COX11: variants seen among roughly 807,000 people sequenced by gnomAD.
COX11 encodes cytochrome c oxidase copper chaperone COX11.
A neutral mutation model predicts 29.4 loss-of-function variants in COX11; 18 were observed. The observed-to-expected ratio is 0.61, with a 90% CI of 0.42 to 0.91. The LOEUF is 0.91. Among genes scored for constraint, COX11 ranks in the 40% least tolerant of loss-of-function variants. The pLI, the probability that COX11 is intolerant of heterozygous loss-of-function variation, is 0.00. For synonymous variants in COX11, 131 were observed against 124.0 expected, an observed-to-expected ratio of 1.06 and a Z score of -0.38; for missense variants, 312 against 346.0, an observed-to-expected ratio of 0.90 and a Z score of 0.78.
At chr17:54,958,850 G>C (rs1449603977), downstream of COX11, among the ~76,000 whole-genome samples, 1 of 150,808 alleles carries the variant, frequency 6.6e-6, no homozygotes, top group African/African-American at 2.4e-5. Flanking sequence ...AGATGCTGGA[G>C]AATCTGTGAA....
chr17:54,966,290 C>T lies in COX11; in HGVS notation c.367-1438G>A, dbSNP rs186672475. Among the ~76,000 whole-genome samples the T allele has an allele frequency of 1.1e-3, 163 of 152,306 alleles. 4 individuals are homozygous for T. The highest frequency in any genetic ancestry group is 0.011 in the Admixed American group (163 of 15,298). On this transcript the variant is annotated intron_variant, in intron 1 of 3. Transcript: ENST00000299335. ...TAAAATAGACAAAAAGACTAGAAAACAGCACTAAAAAGATGTCCTGGTCTC... is the reference window on the plus strand; with the variant it reads ...TAAAATAGACAAAAAGACTAGAAAATAGCACTAAAAAGATGTCCTGGTCTC...
downstream of COX11, among the ~76,000 whole-genome samples, chr17:54,960,294 G>A (rs760264979): frequency 6.6e-6 from 1 of 152,164 alleles, no homozygotes; most frequent in South Asian, 2.1e-4. Flanking sequence ...GAACCTGGGA[G>A]GCAGAGGTTG....
intron 1 of COX11, 148 bp downstream of exon 1, chr17:54,968,133 T>A: frequency 7.9e-7 from 1 of 1,269,776 alleles, no homozygotes; most frequent in East Asian, 2.5e-5. Flanking sequence ...GGGTGTTAAG[T>A]GACTGTTTTG....
rs1157843492 is a variant in COX11, at chr17:54,962,178, C to T, written c.*555G>A. The T allele has an allele frequency of 3.1e-6, 3 of 969,314 alleles. No homozygotes were observed. The highest frequency in any genetic ancestry group is 3.7e-6 in the Non-Finnish European group (3 of 815,330). 60.0% of individuals were successfully genotyped at this position (969,314 alleles called of 1,614,324 possible). A position where few individuals can be genotyped will look rare whatever the true frequency, so the allele number is the denominator to read the frequency against. ...TAAAATAGCCCTAAACCTTAAAGGA[C>T]AAATCAAATTTGAAATAAGAATTTA... On this transcript the variant is annotated 3_prime_UTR_variant, in exon 4 of 4. Transcript: ENST00000299335.
At chr17:54,958,243 G>C (rs920700831), downstream of COX11, 2 of 152,228 alleles carry the variant, frequency 1.3e-5, no homozygotes, top group African/African-American at 4.8e-5. Flanking sequence ...AACAGTGCCA[G>C]GGGCAGACAA....
intron 2 of COX11, 117 bp from the exon 3 acceptor site, chr17:54,963,548 G>A: frequency 3.1e-6 from 3 of 963,048 alleles, no homozygotes; most frequent in Admixed American, 3.2e-5. Flanking sequence ...CTAATCTAAT[G>A]TAGGGTTCAG....
At chr17:54,967,294 A>C (rs780406306) in intron 1 of COX11, among the ~76,000 whole-genome samples, 1 of 152,136 alleles carries the variant, frequency 6.6e-6, no homozygotes, top group Non-Finnish European at 1.5e-5. Context: ...CCACTATCTT[A>C]AACACTTACT....
chr17:54,954,121 G>T (rs988445126), exon 1 of COX11: 2 of 152,128 alleles, frequency 1.3e-5, no homozygotes, highest in Admixed American at 6.5e-5. Context: ...ACACCTCAAC[G>T]GGCCAGGTCA....
chr17:54,965,276 C>A (rs1221010747), intron 1 of COX11, among the ~76,000 whole-genome samples: 1 of 152,170 alleles, frequency 6.6e-6, no homozygotes, highest in Non-Finnish European at 1.5e-5. Context: ...TCAATTTTTC[C>A]ATATTCCTGT....
At chr17:54,965,494 G>A (rs1051140962) in intron 1 of COX11, among the ~76,000 whole-genome samples, 2 of 152,110 alleles carry the variant, frequency 1.3e-5, no homozygotes, top group East Asian at 3.9e-4. Flanking sequence ...AATAATCATA[G>A]GGCATCAAGA....
intron 1 of COX11, among the ~76,000 whole-genome samples, chr17:54,967,128 C>T (rs1356039002): frequency 6.6e-6 from 1 of 151,948 alleles, no homozygotes; most frequent in African/African-American, 2.4e-5. Flanking sequence ...AAAACAATTC[C>T]CAAACTTTCC....
Position 54,961,848 on chromosome 17 carries a change from CT to C in COX11, c.*884del. On this transcript the variant is annotated 3_prime_UTR_variant, in exon 4 of 4. Coordinates refer to ENST00000299335, the MANE Select transcript of COX11 (RefSeq NM_004375.5). ...ATGATTCTTTGTAATGCTAAATAGCCTTTTTTTCTCTTTTTACTGCAACTTA... is the reference window on the plus strand; with the variant it reads ...ATGATTCTTTGTAATGCTAAATAGCCTTTTTTCTCTTTTTACTGCAACTTA... 1.0e-6 allele frequency: 1 copy of C among 966,336 alleles called. No individual in the cohort carries two copies. Among genetic ancestry groups the C allele is most frequent in the Non-Finnish European group, 1.2e-6 (1 of 812,562 alleles). 59.9% of individuals were successfully genotyped at this position (966,336 alleles called of 1,614,324 possible). A position where few individuals can be genotyped will look rare whatever the true frequency, so the allele number is the denominator to read the frequency against.
rs771502812 is a variant in COX11, at chr17:54,960,638, C to T, written c.*2095G>A. ...ATGATGGTGACTGAGGTAAAGACTT[C>T]AACTTATACAACTTAATTCCATATT... On this transcript the variant is annotated 3_prime_UTR_variant, in exon 4 of 4. Coordinates refer to ENST00000299335, the MANE Select transcript of COX11 (RefSeq NM_004375.5). 1 of 1,549,682 alleles carries T rather than the reference C, an allele frequency of 6.5e-7. No individual in the cohort carries two copies. The highest frequency in any genetic ancestry group is 8.9e-7 in the Non-Finnish European group (1 of 1,122,412).
rs1439763753 is a variant in COX11, at chr17:54,960,675, C to T, written c.*2058G>A. 7.3e-7 allele frequency: 1 copy of T among 1,371,836 alleles called. No individual in the cohort carries two copies. The highest frequency in any genetic ancestry group is 2.4e-4 in the Middle Eastern group (1 of 4,238). 85.0% of individuals were successfully genotyped at this position (1,371,836 alleles called of 1,614,324 possible). ...CTTAATTCCATATTCCATATAATTT[C>T]AGTATAATTATCACTTTACATATTT... On this transcript the variant is annotated 3_prime_UTR_variant, in exon 4 of 4. Coordinates refer to ENST00000299335, the MANE Select transcript of COX11 (RefSeq NM_004375.5).
chr17:54,963,482 C>A (rs996107844), intron 2 of COX11, 51 bp from the exon 3 acceptor site: 1 of 1,536,696 alleles, frequency 6.5e-7, no homozygotes, highest in African/African-American at 1.4e-5. Flanking sequence ...CACAAAGTTC[C>A]TCTTTTCCCT....
exon 1 of COX11, chr17:54,953,038 C>CACAGAAA (rs2049315737): frequency 6.6e-6 from 1 of 152,198 alleles, no homozygotes; most frequent in Non-Finnish European, 1.5e-5. Flanking sequence ...GGATAGGGTC[C>CACAGAAA]ACTTTTAGTG....
Position 54,960,738 on chromosome 17 carries a change from CTT to C in COX11, c.*1993_*1994del. The C allele has an allele frequency of 2.6e-6, 2 of 773,390 alleles. No homozygotes were observed. The highest frequency in any genetic ancestry group is 4.4e-6 in the Non-Finnish European group (2 of 453,816). 47.9% of individuals were successfully genotyped at this position (773,390 alleles called of 1,614,324 possible). A position where few individuals can be genotyped will look rare whatever the true frequency, so the allele number is the denominator to read the frequency against. On this transcript the variant is annotated 3_prime_UTR_variant, in exon 4 of 4. Transcript: ENST00000299335. Reference sequence around the variant, plus strand: ...TTCTAAGGGCCATCTGAGTCTGACACTTTGAAATATGAGTTCCCCTGAATCAT... The same window carrying C: ...TTCTAAGGGCCATCTGAGTCTGACACTGAAATATGAGTTCCCCTGAATCAT...
At chr17:54,957,931 TTAA>T (rs1190262996), downstream of COX11, 1 of 152,210 alleles carries the variant, frequency 6.6e-6, no homozygotes, top group African/African-American at 2.4e-5. Flanking sequence ...AAAATTTGTG[TTAA>T]TGTTATGAAA....
intron 1 of COX11, among the ~76,000 whole-genome samples, chr17:54,965,285 G>A (rs781077967): frequency 8.5e-5 from 13 of 152,134 alleles, no homozygotes; most frequent in Admixed American, 8.5e-4. Context: ...CCATATTCCT[G>A]TCTGGTCCTT....
Sources: gnomAD v4.1 joint callset for allele counts (sites outside exome capture counted in the v4.1 genomes callset) on GRCh38, gnomAD v4.1.1 for gene constraint, MANE v1.5 for transcripts, NCBI Gene and HGNC (gene_info 2026-07-23, HGNC 2026-07-21) for gene names.